Variants in ATP10B observed in about 807,000 individuals in gnomAD.
ATP10B encodes the protein ATPase phospholipid transporting 10B (putative), also known as phospholipid-transporting ATPase VB.
Under a neutral mutation model 141.2 loss-of-function variants are expected in ATP10B, and 122 were observed. That is an observed-to-expected ratio of 0.86 (90% CI 0.75 to 1.00). The LOEUF (loss-of-function observed/expected upper bound fraction) is 1.00, where lower values mean the gene tolerates loss of function less well. ATP10B is among the 50% of genes least tolerant of loss of function. ATP10B has a pLI of 0.00. For synonymous variants in ATP10B, 685 were observed against 692.0 expected (o/e 0.99, Z 0.16); for missense variants, 1,876 against 1,825.3 (o/e 1.03, Z -0.51).
intron 7 of ATP10B, among the ~76,000 whole-genome samples, chr5:160,667,607 C>CTT (rs1762402340): frequency 6.6e-6 from 1 of 151,782 alleles, no homozygotes; most frequent in South Asian, 2.1e-4. Flanking sequence ...TTTTGTTTTT[C>CTT]TTTTTGTAAA....
chr5:160,635,502 T>C (rs1759298444), intron 11 of ATP10B, among the ~76,000 whole-genome samples: 1 of 152,144 alleles, frequency 6.6e-6, no homozygotes, highest in Non-Finnish European at 1.5e-5. Context: ...TTAATTCGCA[T>C]TTAAAATAGA....
chr5:160,797,593 A>T (rs374619085), intron 1 of ATP10B, among the ~76,000 whole-genome samples: 2 of 152,312 alleles, frequency 1.3e-5, no homozygotes, highest in East Asian at 1.9e-4. Flanking sequence ...TATAACAGAT[A>T]CTCAAATCTT....
chr5:160,735,059 A>T (rs911884190), intron 2 of ATP10B, among the ~76,000 whole-genome samples: 1 of 151,646 alleles, frequency 6.6e-6, no homozygotes, highest in South Asian at 2.1e-4. Flanking sequence ...TCTTTACTAA[A>T]GGAAGACAGG....
the ATP10B span, among the ~76,000 whole-genome samples, chr5:160,886,877 A>G: frequency 6.6e-6 from 1 of 152,202 alleles, no homozygotes; most frequent in Non-Finnish European, 1.5e-5. Context: ...TGAGGTGACT[A>G]TTAAAAGAAA....
chr5:160,708,204 C>T (rs1237813292), intron 3 of ATP10B, among the ~76,000 whole-genome samples: 1 of 152,054 alleles, frequency 6.6e-6, no homozygotes, highest in African/African-American at 2.4e-5. Flanking sequence ...GTTTTGTTGT[C>T]TGATTTTTAA....
At chr5:160,738,746 G>C (rs897980972) in intron 2 of ATP10B, among the ~76,000 whole-genome samples, 4 of 152,096 alleles carry the variant, frequency 2.6e-5, no homozygotes, top group Non-Finnish European at 5.9e-5. Context: ...ATTGAAAACA[G>C]AGAACTTTCA....
the ATP10B span, among the ~76,000 whole-genome samples, chr5:160,875,404 C>A: frequency 3.5e-5 from 4 of 112,706 alleles, no homozygotes; most frequent in Non-Finnish European, 8.5e-5. Context: ...TGGAAAGGAA[C>A]AACCAGTACC....
At position 160,617,906 on chromosome 5, in the gene ATP10B, C is replaced by A. The variant is rs1045444846; in HGVS notation, c.2484G>T (p.Leu828Phe). Reference protein sequence around the residue: ...IRARTQKHLDLYARDGLRTLC... With the variant: ...IRARTQKHLDFYARDGLRTLC... ...GTGTGCGCAGGCCATCTCTTGCATA[C>A]AAGTCTAGATGCTTTTGGGTCCGGG... Residue 828 changes from leucine (L) to phenylalanine (F), a missense_variant, in exon 16 of 26, where the codon TTG becomes TTT. Coordinates refer to ENST00000327245, the MANE Select transcript of ATP10B (RefSeq NM_025153.3). The A allele has an allele frequency of 1.1e-5, 18 of 1,614,078 alleles. No individual in the cohort carries two copies. Among genetic ancestry groups the A allele is most frequent in the Non-Finnish European group, 1.4e-5 (17 of 1,180,010 alleles).
intron 2 of ATP10B, among the ~76,000 whole-genome samples, chr5:160,726,096 G>C (rs1766332950): frequency 6.6e-6 from 1 of 152,156 alleles, no homozygotes; most frequent in Admixed American, 6.5e-5. Context: ...AAGCCACTGA[G>C]AGACGCGCGA....
At chr5:160,577,411 A>G (rs1404017840) in intron 24 of ATP10B, among the ~76,000 whole-genome samples, 1 of 152,112 alleles carries the variant, frequency 6.6e-6, no homozygotes, top group Non-Finnish European at 1.5e-5. Context: ...AATAATAATT[A>G]AAAAAACAGG....
chr5:160,741,161 A>C (rs1181980775), intron 2 of ATP10B, among the ~76,000 whole-genome samples: 3 of 152,228 alleles, frequency 2.0e-5, no homozygotes, highest in Non-Finnish European at 4.4e-5. Flanking sequence ...CTGTGCATAG[A>C]GTAAGCACAT....
At chr5:160,661,067 TCC>T (rs1561717098) in intron 7 of ATP10B, among the ~76,000 whole-genome samples, 4 of 152,060 alleles carry the variant, frequency 2.6e-5, no homozygotes, top group Admixed American at 6.6e-5. Flanking sequence ...ATGCCTGTAA[TCC>T]CAGCTACTCT....
At chr5:160,837,616 T>C (rs750544021) in intron 1 of ATP10B, among the ~76,000 whole-genome samples, 6 of 67,908 alleles carry the variant, frequency 8.8e-5, no homozygotes, top group Non-Finnish European at 1.9e-4. Flanking sequence ...GTCATTAAAA[T>C]ATCATTTGTT....
At chr5:160,879,699 G>A in the ATP10B span, among the ~76,000 whole-genome samples, 13 of 151,978 alleles carry the variant, frequency 8.6e-5, no homozygotes, top group African/African-American at 1.7e-4. Context: ...TTAGCCGGGC[G>A]TGGTAGCGGG....
intron 7 of ATP10B, among the ~76,000 whole-genome samples, chr5:160,650,922 C>A (rs765876345): frequency 5.9e-5 from 9 of 152,088 alleles, no homozygotes; most frequent in Non-Finnish European, 1.0e-4. Flanking sequence ...CAGTTTGGTC[C>A]AGGAGCAAAA....
At chr5:160,638,487 G>C (rs955737774) in intron 10 of ATP10B, among the ~76,000 whole-genome samples, 1 of 152,056 alleles carries the variant, frequency 6.6e-6, no homozygotes, top group Non-Finnish European at 1.5e-5. Context: ...GGGTGGGAGC[G>C]GGGACAATGG....
chr5:160,852,307 T>C (rs1753857519), upstream of ATP10B: 1 of 152,194 alleles, frequency 6.6e-6, no homozygotes. Context: ...TTAGACATGG[T>C]TCTTGCATAA....
the ATP10B span, among the ~76,000 whole-genome samples, chr5:160,884,751 A>G: frequency 3.5e-3 from 538 of 152,364 alleles, 1 homozygote; most frequent in African/African-American, 0.011. Flanking sequence ...AAAGTAAAAA[A>G]TAAATAGCAG....
At chr5:160,566,051 G>T in intron 25 of ATP10B, 151 bp from the exon 26 acceptor site, 2 of 694,188 alleles carry the variant, frequency 2.9e-6, no homozygotes, top group Non-Finnish European at 4.7e-6. Flanking sequence ...CTCTAGTCTT[G>T]GGTAGCTCAA....
Sources: allele counts gnomAD v4.1 joint callset (sites outside exome capture counted in the v4.1 genomes callset), GRCh38; gene constraint gnomAD v4.1.1; transcripts MANE v1.5; gene names NCBI Gene and HGNC (gene_info 2026-07-23, HGNC 2026-07-21).